The following ARHGAP12 variants were observed in gnomAD, a reference collection of about 807,000 sequenced individuals.
ARHGAP12 encodes the protein rho GTPase-activating protein 12.
Under a neutral mutation model 108.6 loss-of-function variants are expected in ARHGAP12, and 64 were observed. That is an observed-to-expected ratio of 0.59 (90% CI 0.48 to 0.73). ARHGAP12 has a LOEUF of 0.73. Ranked by LOEUF, ARHGAP12 falls within the 30% of genes least tolerant of loss-of-function variation. The probability of loss-of-function intolerance (pLI) is 0.00; values close to 1 mark genes in which losing one functional copy is unlikely to be tolerated. For missense variants in ARHGAP12, 940 were observed against 1,005.9 expected (o/e 0.93, Z 0.89); for synonymous variants, 312 against 337.2 (o/e 0.93, Z 0.82).
chr10:31,849,935 T>G (rs1026179246), intron 6 of ARHGAP12, among the ~76,000 whole-genome samples: 4 of 152,222 alleles, frequency 2.6e-5, no homozygotes, highest in Admixed American at 6.5e-5. Flanking sequence ...AAGGAAATTA[T>G]AGAATTGAGT....
chr10:31,857,899 G>A (rs1467041537), intron 4 of ARHGAP12, among the ~76,000 whole-genome samples: 2 of 152,178 alleles, frequency 1.3e-5, no homozygotes, highest in African/African-American at 4.8e-5. Flanking sequence ...TCCTCATGAA[G>A]GAATTTAAAA....
chr10:31,895,177 A>G (rs531652656), intron 3 of ARHGAP12, among the ~76,000 whole-genome samples: 153 of 152,348 alleles, frequency 1.0e-3, no homozygotes, highest in African/African-American at 3.4e-3. Flanking sequence ...ACCATTCAGG[A>G]CATAGGCATG....
At chr10:31,815,156 AAAG>A (rs926690045) in intron 13 of ARHGAP12, among the ~76,000 whole-genome samples, 1 of 151,944 alleles carries the variant, frequency 6.6e-6, no homozygotes, top group Non-Finnish European at 1.5e-5. Flanking sequence ...AAAAAAAAGA[AAAG>A]AAATCCTAGA....
chr10:31,820,884 A>G (rs1024457144), intron 11 of ARHGAP12, among the ~76,000 whole-genome samples: 12 of 151,990 alleles, frequency 7.9e-5, no homozygotes, highest in African/African-American at 2.2e-4. Flanking sequence ...TGGTAATGCT[A>G]TATTTGCAAA....
chr10:31,912,304 T>C (rs1839385493), intron 1 of ARHGAP12, among the ~76,000 whole-genome samples: 1 of 152,170 alleles, frequency 6.6e-6, no homozygotes, highest in Non-Finnish European at 1.5e-5. Context: ...AGCTCAGACA[T>C]ACTATAGTTA....
At chr10:31,814,197 A>G in intron 14 of ARHGAP12, 62 bp downstream of exon 14, 1 of 1,350,218 alleles carries the variant, frequency 7.4e-7, no homozygotes, top group Non-Finnish European at 1.1e-6. Flanking sequence ...TGTATTTAAA[A>G]CCTTCAAAAA....
chr10:31,911,976 C>T (rs976274500), intron 1 of ARHGAP12, among the ~76,000 whole-genome samples: 4 of 152,122 alleles, frequency 2.6e-5, no homozygotes, highest in Non-Finnish European at 4.4e-5. Context: ...CTTATCATAA[C>T]CAAAATGTAT....
chr10:31,810,634 A>G lies in ARHGAP12; in HGVS notation c.2050+15T>C. 1 of 1,532,600 alleles carries G rather than the reference A, an allele frequency of 6.5e-7. No individual in the cohort carries two copies. The highest frequency in any genetic ancestry group is 8.8e-7 in the Non-Finnish European group (1 of 1,141,960). 94.9% of individuals were successfully genotyped at this position (1,532,600 alleles called of 1,614,324 possible). ...TGCTTAATGTTAAAAAAAAAAATCAAAATCCTTCTCTTACCATGTTCTTCA... is the reference window on the plus strand; with the variant it reads ...TGCTTAATGTTAAAAAAAAAAATCAGAATCCTTCTCTTACCATGTTCTTCA... On this transcript the variant is annotated intron_variant, in intron 16 of 19. Coordinates refer to ENST00000344936, the MANE Select transcript of ARHGAP12 (RefSeq NM_018287.7).
At position 31,812,813 on chromosome 10, in the gene ARHGAP12, T is replaced by C; in HGVS notation, c.1845A>G (p.Val615=). 6.3e-7 allele frequency: 1 copy of C among 1,577,706 alleles called. No homozygotes were observed. The highest frequency in any genetic ancestry group is 8.6e-7 in the Non-Finnish European group (1 of 1,159,312). The part of the protein sequence containing the change: ...KDPKKLRSFK[V]SSIDSSEQKK... ...TCTGTTCTGAAGAATCTATGCTAGA[T>C]ACTTTAAAGGCTTAAGACAAAAAGA... The change falls in exon 15 of 20, where the codon GTA becomes GTG. Residue 615 remains valine, a synonymous_variant. Coordinates refer to ENST00000344936, the MANE Select transcript of ARHGAP12 (RefSeq NM_018287.7).
At chr10:31,904,960 T>C (rs1839068910) in intron 3 of ARHGAP12, among the ~76,000 whole-genome samples, 1 of 152,092 alleles carries the variant, frequency 6.6e-6, no homozygotes, top group Non-Finnish European at 1.5e-5. Flanking sequence ...CTTATGAATC[T>C]ACAATTCTCT....
At chr10:31,920,175 G>T (rs112351040) in intron 1 of ARHGAP12, among the ~76,000 whole-genome samples, 1 of 150,118 alleles carries the variant, frequency 6.7e-6, no homozygotes, top group African/African-American at 2.5e-5. Flanking sequence ...AAAATTAGCC[G>T]GGCGCAGTGG....
At chr10:31,909,698 G>A (rs1461892310) in intron 2 of ARHGAP12, among the ~76,000 whole-genome samples, 1 of 152,062 alleles carries the variant, frequency 6.6e-6, no homozygotes, top group Non-Finnish European at 1.5e-5. Context: ...GAATTTGAGA[G>A]CAGCCTGACC....
intron 1 of ARHGAP12, among the ~76,000 whole-genome samples, chr10:31,925,701 T>G (rs751735161): frequency 6.6e-6 from 1 of 152,180 alleles, no homozygotes; most frequent in African/African-American, 2.4e-5. Context: ...TTCTCAAGGA[T>G]TGCTGATGAG....
chr10:31,882,917 A>C (rs1435293875), intron 3 of ARHGAP12, among the ~76,000 whole-genome samples: 1 of 152,108 alleles, frequency 6.6e-6, no homozygotes, highest in East Asian at 1.9e-4. Flanking sequence ...CAGATACTAG[A>C]TATCCCTCTT....
At position 31,926,064 on chromosome 10, in the gene ARHGAP12, G is replaced by A. The variant is rs377699953; in HGVS notation, c.-111+2619C>T. ...TTTCTATTGGACAGCAGTGGTCTGTGGTCTGGCAGAACAGCATCCATATGA... is the reference window on the plus strand; with the variant it reads ...TTTCTATTGGACAGCAGTGGTCTGTAGTCTGGCAGAACAGCATCCATATGA... On this transcript the variant is annotated intron_variant, in intron 1 of 19. Coordinates refer to ENST00000344936, the MANE Select transcript of ARHGAP12 (RefSeq NM_018287.7). Among the ~76,000 whole-genome samples the A allele has an allele frequency of 6.0e-4, 91 of 152,116 alleles. 3 individuals are homozygous for A. Among genetic ancestry groups the A allele is most frequent in the Admixed American group, 5.2e-3 (80 of 15,268 alleles).
chr10:31,906,405 A>G (rs1839134435), intron 3 of ARHGAP12, among the ~76,000 whole-genome samples: 1 of 152,248 alleles, frequency 6.6e-6, no homozygotes, highest in Non-Finnish European at 1.5e-5. Context: ...TAAAACACAC[A>G]GAGGTTCAGT....
intron 6 of ARHGAP12, among the ~76,000 whole-genome samples, chr10:31,852,095 C>T (rs1431536873): frequency 2.0e-5 from 3 of 152,104 alleles, no homozygotes; most frequent in African/African-American, 7.2e-5. Flanking sequence ...CAATGAATGG[C>T]TCAATCATAC....
intron 6 of ARHGAP12, among the ~76,000 whole-genome samples, chr10:31,845,244 A>G (rs572016168): frequency 3.3e-5 from 5 of 152,286 alleles, no homozygotes; most frequent in African/African-American, 1.2e-4. Context: ...AACTCTCATC[A>G]GTTTTAAGTT....
intron 3 of ARHGAP12, among the ~76,000 whole-genome samples, chr10:31,878,664 T>C (rs771228716): frequency 1.3e-5 from 2 of 152,248 alleles, no homozygotes; most frequent in Non-Finnish European, 2.9e-5. Flanking sequence ...TAAATAAAGT[T>C]TTGTTGAAAC....
Sources: allele counts gnomAD v4.1 joint callset (sites outside exome capture counted in the v4.1 genomes callset), GRCh38; gene constraint gnomAD v4.1.1; transcripts MANE v1.5; gene names NCBI Gene and HGNC (gene_info 2026-07-23, HGNC 2026-07-21).